TRHDE: variants seen among roughly 807,000 people sequenced by gnomAD.
TRHDE encodes the protein thyrotropin releasing hormone degrading enzyme.
In TRHDE, 72 loss-of-function variants were observed where a neutral mutation model predicts 125.7. That is an observed-to-expected ratio of 0.57 (90% CI 0.47 to 0.70). TRHDE has a LOEUF of 0.70. Among genes scored for constraint, TRHDE ranks in the 30% least tolerant of loss-of-function variants. The probability of loss-of-function intolerance (pLI) is 0.00; values close to 1 mark genes in which losing one functional copy is unlikely to be tolerated. For synonymous variants in TRHDE, 509 were observed against 509.1 expected, an observed-to-expected ratio of 1.00 and a Z score of 0.00; for missense variants, 1,110 against 1,327.1, an observed-to-expected ratio of 0.84 and a Z score of 2.54.
intron 15 of TRHDE, among the ~76,000 whole-genome samples, chr12:72,635,836 G>T (rs1202488673): frequency 1.3e-5 from 2 of 152,058 alleles, no homozygotes; most frequent in Non-Finnish European, 2.9e-5. Context: ...TATTTCTGAG[G>T]GCTCTGTTCT....
chr12:72,650,581 T>C (rs1874466613), intron 15 of TRHDE, among the ~76,000 whole-genome samples: 1 of 152,152 alleles, frequency 6.6e-6, no homozygotes, highest in South Asian at 2.1e-4. Flanking sequence ...CTCTAGTGTA[T>C]TAATTGCTTA....
At chr12:72,163,090 C>T (rs1454820793) in intron 2 of TRHDE, 1 of 152,024 alleles carries the variant, frequency 6.6e-6, no homozygotes, top group Non-Finnish European at 1.5e-5. Context: ...CCTGATGCTG[C>T]AGTTTGTTGA....
chr12:72,380,531 G>C (rs1156666394), intron 3 of TRHDE, among the ~76,000 whole-genome samples: 1 of 152,162 alleles, frequency 6.6e-6, no homozygotes, highest in Non-Finnish European at 1.5e-5. Flanking sequence ...ACTACAGGCA[G>C]AGGGAACAAA....
chr12:72,153,436 A>T (rs970374312), intron 2 of TRHDE, among the ~76,000 whole-genome samples: 2 of 152,104 alleles, frequency 1.3e-5, no homozygotes, highest in African/African-American at 4.8e-5. Context: ...GCCTTCTGCT[A>T]GCTTTTGAAT....
intron 7 of TRHDE, among the ~76,000 whole-genome samples, chr12:72,559,692 A>C (rs964836383): frequency 6.6e-6 from 1 of 152,204 alleles, no homozygotes; most frequent in Non-Finnish European, 1.5e-5. Context: ...CTGAAGACTG[A>C]CTTTTATACA....
chr12:72,611,140 G>C (rs943523379), intron 12 of TRHDE: 1 of 174,910 alleles, frequency 5.7e-6, no homozygotes, highest in Non-Finnish European at 1.3e-5. Flanking sequence ...ATATCAGAAA[G>C]CTGCCAAAGA....
chr12:72,145,160 C>G (rs1356128235), intron 2 of TRHDE, among the ~76,000 whole-genome samples: 1 of 152,174 alleles, frequency 6.6e-6, no homozygotes, highest in Non-Finnish European at 1.5e-5. Flanking sequence ...TTCCATCACA[C>G]TGAGCTGTTC....
At chr12:72,479,476 A>C (rs1193750076) in intron 5 of TRHDE, among the ~76,000 whole-genome samples, 2 of 152,108 alleles carry the variant, frequency 1.3e-5, no homozygotes, top group African/African-American at 2.4e-5. Context: ...ATAATTCATT[A>C]GTATTCGTGT....
chr12:72,378,766 T>A (rs1435063470), intron 3 of TRHDE, among the ~76,000 whole-genome samples: 1 of 152,122 alleles, frequency 6.6e-6, no homozygotes, highest in Non-Finnish European at 1.5e-5. Context: ...TCTCTGTGAG[T>A]GTTCTTATAT....
chr12:72,408,239 T>C (rs1199363840), intron 3 of TRHDE, among the ~76,000 whole-genome samples: 1 of 152,162 alleles, frequency 6.6e-6, no homozygotes, highest in East Asian at 1.9e-4. Flanking sequence ...CCTTAATTCA[T>C]TCATAAGGAA....
At chr12:72,597,128 T>C (rs1007332952) in intron 12 of TRHDE, among the ~76,000 whole-genome samples, 70 of 152,298 alleles carry the variant, frequency 4.6e-4, no homozygotes, top group African/African-American at 1.6e-3. Context: ...GAGATAGCAC[T>C]ATAAGAAAGT....
At chr12:72,240,929 C>G (rs1191869819) in intron 2 of TRHDE, among the ~76,000 whole-genome samples, 1 of 152,100 alleles carries the variant, frequency 6.6e-6, no homozygotes, top group Admixed American at 6.5e-5. Flanking sequence ...TTTCACACAT[C>G]TCGATTCAAT....
At chr12:72,470,187 G>T (rs1876575137) in intron 4 of TRHDE, among the ~76,000 whole-genome samples, 1 of 152,120 alleles carries the variant, frequency 6.6e-6, no homozygotes, top group East Asian at 1.9e-4. Flanking sequence ...GCCCCTATCT[G>T]GTCAGTTATC....
intron 13 of TRHDE, among the ~76,000 whole-genome samples, chr12:72,619,893 GAGC>G (rs1872972988): frequency 6.6e-6 from 1 of 151,890 alleles, no homozygotes; most frequent in South Asian, 2.1e-4. Flanking sequence ...CTTTTTATTG[GAGC>G]CATCTGATTT....
At chr12:72,466,398 C>T (rs948009738) in intron 3 of TRHDE, among the ~76,000 whole-genome samples, 3 of 152,146 alleles carry the variant, frequency 2.0e-5, no homozygotes, top group Non-Finnish European at 2.9e-5. Flanking sequence ...TCTACTTTGT[C>T]ACAGGCTTGG....
chr12:72,213,135 A>G (rs568145836), intron 2 of TRHDE, among the ~76,000 whole-genome samples: 6 of 152,282 alleles, frequency 3.9e-5, no homozygotes, highest in African/African-American at 1.4e-4. Flanking sequence ...AAATGTCCAG[A>G]ATAGACAGAC....
chr12:72,239,988 A>T (rs1878441862), intron 2 of TRHDE, among the ~76,000 whole-genome samples: 1 of 152,080 alleles, frequency 6.6e-6, no homozygotes, highest in African/African-American at 2.4e-5. Context: ...TAGGCATAGA[A>T]TTTTTGTATA....
chr12:72,542,291 G>A lies in TRHDE; in HGVS notation c.1723G>A (p.Gly575Ser). The change falls in exon 7 of 19, where the codon GGT becomes AGT. Residue 575 changes from glycine to serine, a missense_variant and splice_region_variant. Gly to Ser is a moderately conservative substitution (Grantham distance 56). Around this residue, in one of 5 missense-constraint regions of TRHDE, gnomAD observed 527 missense variants for 651.8 expected, o/e 0.81. Coordinates refer to ENST00000261180, the MANE Select transcript of TRHDE (RefSeq NM_013381.3). ...TTCTTTTTATTATTCTTTCCTATAG[G>A]GTGCTGCTTTAATAAGAATGCTGGC... Reference protein sequence around the residue: ...RVFDWIAYKKGAALIRMLANF... With the variant: ...RVFDWIAYKKSAALIRMLANF... The A allele has an allele frequency of 1.3e-6, 2 of 1,598,444 alleles. No individual in the cohort carries two copies. Among genetic ancestry groups the A allele is most frequent in the Non-Finnish European group, 1.7e-6 (2 of 1,170,460 alleles).
chr12:72,467,207 A>G (rs572788978), intron 3 of TRHDE, among the ~76,000 whole-genome samples: 3 of 151,954 alleles, frequency 2.0e-5, no homozygotes, highest in African/African-American at 7.3e-5. Context: ...AACATTAGGT[A>G]TATCTCCTAA....
Sources: allele counts gnomAD v4.1 joint callset (sites outside exome capture counted in the v4.1 genomes callset), GRCh38; gene constraint gnomAD v4.1.1; regional missense constraint gnomAD v4.1.1; transcripts MANE v1.5; gene names NCBI Gene and HGNC (gene_info 2026-07-23, HGNC 2026-07-21).